The following SHOC2 variants were observed in gnomAD, a reference collection of about 807,000 sequenced individuals.
SHOC2 encodes SHOC2 leucine rich repeat scaffold protein, also known as leucine-rich repeat protein SHOC-2.
A neutral mutation model predicts 50.2 loss-of-function variants in SHOC2; 4 were observed. That is an observed-to-expected ratio of 0.08 (90% CI 0.04 to 0.18). The LOEUF (loss-of-function observed/expected upper bound fraction) is 0.18, where lower values mean the gene tolerates loss of function less well. Among genes scored for constraint, SHOC2 ranks in the 10% least tolerant of loss-of-function variants. SHOC2 has a pLI of 1.00. For missense variants in SHOC2, 388 were observed against 669.6 expected, an observed-to-expected ratio of 0.58 and a Z score of 4.64; for synonymous variants, 218 against 244.5, an observed-to-expected ratio of 0.89 and a Z score of 1.01.
chr10:110,934,493 C>G (rs1846964467), intron 1 of SHOC2, among the ~76,000 whole-genome samples: 2 of 152,010 alleles, frequency 1.3e-5, no homozygotes, highest in South Asian at 4.2e-4. Flanking sequence ...TTATACTATG[C>G]TGTCATTTTT....
intron 1 of SHOC2, among the ~76,000 whole-genome samples, chr10:110,963,510 TC>T: frequency 6.6e-6 from 1 of 152,298 alleles, no homozygotes; most frequent in South Asian, 2.1e-4. Context: ...TCTTTTTTTT[TC>T]TTTTGCCAGA....
intron 1 of SHOC2, among the ~76,000 whole-genome samples, chr10:110,953,960 T>A (rs1590796625): frequency 6.6e-6 from 1 of 151,314 alleles, no homozygotes; most frequent in Non-Finnish European, 1.5e-5. Flanking sequence ...GTTTATTTTA[T>A]TTTCTAATTT....
intron 1 of SHOC2, among the ~76,000 whole-genome samples, chr10:110,939,855 T>G (rs1407283332): frequency 1.3e-5 from 2 of 152,224 alleles, no homozygotes; most frequent in Non-Finnish European, 2.9e-5. Context: ...CCAATTGAGC[T>G]ACATCATCAC....
intron 1 of SHOC2, among the ~76,000 whole-genome samples, chr10:110,948,252 T>G (rs1847285654): frequency 6.6e-6 from 1 of 152,172 alleles, no homozygotes; most frequent in African/African-American, 2.4e-5. Context: ...TTCTAAAATC[T>G]TAACAGAAAT....
chr10:111,001,727 A>T (rs371811475), intron 4 of SHOC2, among the ~76,000 whole-genome samples: 7 of 152,332 alleles, frequency 4.6e-5, no homozygotes, highest in Admixed American at 2.6e-4. Context: ...GTGTAATCAA[A>T]TTAAGAACAA....
At chr10:110,919,392 A>G (rs3750621), upstream of SHOC2, 26,053 of 390,702 alleles carry the variant, frequency 0.067, 2,163 homozygotes, top group East Asian at 0.29. Flanking sequence ...GCGGAGAGAG[A>G]GAAGCTGGCG....
intron 2 of SHOC2, among the ~76,000 whole-genome samples, chr10:110,980,358 G>A (rs1268943141): frequency 1.3e-5 from 2 of 151,822 alleles, no homozygotes; most frequent in African/African-American, 2.4e-5. Flanking sequence ...GGGTTTCACC[G>A]TGTTAGCCAG....
rs767508015 is a variant in SHOC2, at chr10:110,964,658, G to T, written c.300G>T (p.Glu100Asp). ...VIKELNKCRE[E>D]NSMRLDLSKR... ...AAGAGCTCAACAAATGCCGGGAAGA[G>T]AATTCAATGCGTTTGGACTTATCCA... The change falls in exon 2 of 9, where the codon GAG (glutamate) becomes GAT (aspartate). Residue 100 changes from glutamate (E) to aspartate (D), a missense_variant. By Grantham distance (45) the Glu-to-Asp change is conservative. Coordinates refer to ENST00000369452, the MANE Select transcript of SHOC2 (RefSeq NM_007373.4). This position sits in a 1 kb window ranked among gnomAD's most constrained non-coding sequence, Gnocchi z 4.9. 4 of 1,614,126 alleles carry T rather than the reference G, an allele frequency of 2.5e-6. No homozygotes were observed. The South Asian group carries it at 3.3e-5, about 13-fold the overall frequency.
intron 1 of SHOC2, among the ~76,000 whole-genome samples, chr10:110,962,316 C>A (rs1379358852): frequency 1.3e-5 from 2 of 152,036 alleles, no homozygotes; most frequent in African/African-American, 4.8e-5. Context: ...ATAAGCAATG[C>A]CTGTAACCCT....
intron 1 of SHOC2, among the ~76,000 whole-genome samples, chr10:110,952,417 A>G (rs1458319353): frequency 6.6e-6 from 1 of 152,310 alleles, no homozygotes; most frequent in East Asian, 1.9e-4. Flanking sequence ...TGTAGGTTCA[A>G]TGGATTTTGA....
chr10:110,995,021 A>G (rs766489463), intron 3 of SHOC2, among the ~76,000 whole-genome samples: 4 of 152,226 alleles, frequency 2.6e-5, no homozygotes, highest in Non-Finnish European at 5.9e-5. Flanking sequence ...TTTCATAGAC[A>G]TGCTATTTTA....
chr10:110,995,123 T>G (rs1157108798), intron 3 of SHOC2, among the ~76,000 whole-genome samples: 2 of 152,200 alleles, frequency 1.3e-5, no homozygotes, highest in East Asian at 3.8e-4. Context: ...GGATAAATAA[T>G]GAAATGTTTT....
chr10:110,957,130 A>T (rs1020364716), intron 1 of SHOC2, among the ~76,000 whole-genome samples: 1 of 152,180 alleles, frequency 6.6e-6, no homozygotes, highest in African/African-American at 2.4e-5. Flanking sequence ...AATATTCATA[A>T]ATGGGTACCT....
intron 2 of SHOC2, among the ~76,000 whole-genome samples, chr10:110,968,887 C>G (rs1165425312): frequency 1.3e-5 from 2 of 151,988 alleles, no homozygotes; most frequent in Non-Finnish European, 2.9e-5. Context: ...GGAATTTAAC[C>G]ACGACACAAG....
At chr10:110,953,934 G>A (rs959828856) in intron 1 of SHOC2, among the ~76,000 whole-genome samples, 2 of 150,990 alleles carry the variant, frequency 1.3e-5, no homozygotes, top group African/African-American at 4.8e-5. Context: ...TAACCTAAGT[G>A]AAGTCATCTA....
chr10:110,996,800 C>G (rs1245046714), intron 3 of SHOC2, among the ~76,000 whole-genome samples: 17 of 152,130 alleles, frequency 1.1e-4, no homozygotes, highest in Non-Finnish European at 4.4e-5. Flanking sequence ...TCTGGCTCTG[C>G]ACTAGAGTTC....
At chr10:110,955,762 G>A (rs1244820895) in intron 1 of SHOC2, among the ~76,000 whole-genome samples, 2 of 152,020 alleles carry the variant, frequency 1.3e-5, no homozygotes, top group African/African-American at 2.4e-5. Flanking sequence ...TTTTACTAAA[G>A]TACATTGTCC....
chr10:110,992,964 T>C (rs1266682781), intron 3 of SHOC2, among the ~76,000 whole-genome samples: 1 of 152,228 alleles, frequency 6.6e-6, no homozygotes, highest in Non-Finnish European at 1.5e-5. Flanking sequence ...TCGAAAGTTA[T>C]ACTAAATTAA....
Position 111,011,974 on chromosome 10 carries a change from A to AT in SHOC2, c.*164dup, listed in dbSNP as rs896472847. The AT allele has an allele frequency of 2.7e-5, 18 of 663,788 alleles. No individual in the cohort carries two copies. Among genetic ancestry groups the AT allele is most frequent in the Admixed American group, 8.5e-5 (3 of 35,254 alleles). 41.1% of individuals were successfully genotyped at this position (663,788 alleles called of 1,614,324 possible). A position where few individuals can be genotyped will look rare whatever the true frequency, so the allele number is the denominator to read the frequency against. Reference sequence around the variant, plus strand: ...AATAGAGGAATCATAGCCATTTAGAATTTTTTTTAAATTCTGTACAAAAGG... The same window carrying AT: ...AATAGAGGAATCATAGCCATTTAGAATTTTTTTTTAAATTCTGTACAAAAGG... On this transcript the variant is annotated 3_prime_UTR_variant, in exon 9 of 9. Transcript: ENST00000369452.
Sources: allele counts gnomAD v4.1 joint callset (sites outside exome capture counted in the v4.1 genomes callset), GRCh38; gene constraint gnomAD v4.1.1; non-coding constraint Gnocchi (gnomAD v3.1); transcripts MANE v1.5; gene names NCBI Gene and HGNC (gene_info 2026-07-23, HGNC 2026-07-21).